The following AKT2 variants were observed in gnomAD, a reference collection of about 807,000 sequenced individuals.
AKT2 encodes the protein RAC-beta serine/threonine-protein kinase.
Under a neutral mutation model 58.6 loss-of-function variants are expected in AKT2, and 16 were observed. The observed-to-expected ratio is 0.27, with a 90% CI of 0.18 to 0.41. AKT2 has a LOEUF of 0.41. Among genes scored for constraint, AKT2 ranks in the 10% least tolerant of loss-of-function variants. The probability of loss-of-function intolerance (pLI) is 1.00; values close to 1 mark genes in which losing one functional copy is unlikely to be tolerated. For missense variants in AKT2, 438 were observed against 661.0 expected (o/e 0.66, Z 3.70); for synonymous variants, 253 against 254.0 (o/e 1.00, Z 0.04).
intron 4 of AKT2, chr19:40,244,018 T>G (rs1269732571): frequency 6.7e-6 from 1 of 149,080 alleles, no homozygotes; most frequent in Non-Finnish European, 1.5e-5. Context: ...CACTCCAGCC[T>G]GGACAACAGT....
At position 40,235,838 on chromosome 19, in the gene AKT2, G is replaced by A; in HGVS notation, c.1175+52C>T. On this transcript the variant is annotated intron_variant, in intron 11 of 13. Coordinates refer to ENST00000392038, the MANE Select transcript of AKT2 (RefSeq NM_001626.6). This position sits in a 1 kb window ranked among gnomAD's most constrained non-coding sequence, Gnocchi z 6.3. ...GACGCTGCCCCCTCCAGGCCGCAGG[G>A]ACAGTGGCAGCAGCTGGCGCTGGGC... 6.4e-7 allele frequency: 1 copy of A among 1,556,160 alleles called. No homozygotes were observed. Among genetic ancestry groups the A allele is most frequent in the Non-Finnish European group, 8.7e-7 (1 of 1,150,128 alleles).
intron 1 of AKT2, chr19:40,269,723 C>T (rs1031950153): frequency 6.6e-6 from 1 of 152,322 alleles, no homozygotes; most frequent in African/African-American, 2.4e-5. Flanking sequence ...TAAACAAACA[C>T]GTAGATCCAC....
At position 40,236,888 on chromosome 19, in the gene AKT2, C is replaced by T. The variant is rs552506510; in HGVS notation, c.832-503G>A. On this transcript the variant is annotated intron_variant, in intron 9 of 13. Coordinates refer to ENST00000392038, the MANE Select transcript of AKT2 (RefSeq NM_001626.6). ...TTCTTAATATGAAAAAAAAAATTAG[C>T]CAGGCATGGTGGCACACACCTATAG... 3.5e-5 allele frequency: 7 copies of T among 202,746 alleles called. No individual in the cohort carries two copies. The South Asian group carries it at 5.6e-4, about 16-fold the overall frequency. The allele number at this position is 202,746 out of a possible 1,614,324, so 12.6% of individuals were successfully genotyped here.
At chr19:40,284,884 C>T (rs1220747274) in intron 1 of AKT2, 4 of 264,254 alleles carry the variant, frequency 1.5e-5, no homozygotes, top group African/African-American at 2.2e-5. Context: ...ATCTGCCCGC[C>T]GCGCCCGAAA....
In AKT2 at chr19:40,285,046, A is replaced by G. The variant is rs1462347270; in HGVS notation, c.-85+135T>C. 2.8e-5 allele frequency: 10 copies of G among 361,888 alleles called. No homozygotes were observed. The Admixed American group carries it at 2.8e-4, about 10-fold the overall frequency. The allele number at this position is 361,888 out of a possible 1,614,324, so 22.4% of individuals were successfully genotyped here. On this transcript the variant is annotated intron_variant, in intron 1 of 13. Coordinates refer to ENST00000392038, the MANE Select transcript of AKT2 (RefSeq NM_001626.6). Reference sequence around the variant, plus strand: ...CGCCCCCGCTCGGCCACCCCCACTCAGCTCCTGAAGGAGGGGCTCGAGGGC... The same window carrying G: ...CGCCCCCGCTCGGCCACCCCCACTCGGCTCCTGAAGGAGGGGCTCGAGGGC...
chr19:40,271,212 C>CATATATAT (rs57995088), intron 1 of AKT2, among the ~76,000 whole-genome samples: 13 of 140,028 alleles, frequency 9.3e-5, no homozygotes, highest in African/African-American at 2.2e-4. Flanking sequence ...TACATACATA[C>CATATATAT]ATATATATAT....
chr19:40,247,270 CT>C (rs1974816314), intron 4 of AKT2, among the ~76,000 whole-genome samples: 1 of 152,192 alleles, frequency 6.6e-6, no homozygotes, highest in South Asian at 2.1e-4. Context: ...AGGAGAGCCC[CT>C]GGGTAAACCA....
rs770652459 is a variant in AKT2, at chr19:40,231,516, C to T, written c.*2356G>A. On this transcript the variant is annotated 3_prime_UTR_variant, in exon 14 of 14. Transcript: ENST00000392038. ...TGTAAATTGGATCTGACTTTTTCTGCTTACATTCACTTAAAATCTCAAAGA... is the reference window on the plus strand; with the variant it reads ...TGTAAATTGGATCTGACTTTTTCTGTTTACATTCACTTAAAATCTCAAAGA... 2.1e-4 allele frequency: 49 copies of T among 233,190 alleles called. No homozygotes were observed. Among genetic ancestry groups the T allele is most frequent in the Non-Finnish European group, 3.8e-4 (45 of 118,066 alleles). 14.4% of individuals were successfully genotyped at this position (233,190 alleles called of 1,614,324 possible). A position where few individuals can be genotyped will look rare whatever the true frequency, so the allele number is the denominator to read the frequency against.
Position 40,242,092 on chromosome 19 carries a change from G to T in AKT2, c.442-23C>A. 1 of 1,614,068 alleles carries T rather than the reference G, an allele frequency of 6.2e-7. No individual in the cohort carries two copies. The highest frequency in any genetic ancestry group is 8.5e-7 in the Non-Finnish European group (1 of 1,180,002). On this transcript the variant is annotated intron_variant, in intron 5 of 13. Transcript: ENST00000392038. This position sits in a 1 kb window ranked among gnomAD's most constrained non-coding sequence, Gnocchi z 4.3. Reference sequence around the variant, plus strand: ...GGTCTGCCAGGGACAGGGAGAGTGGGGGCAGTCAGCGCCTGGCTCATGGCC... The same window carrying T: ...GGTCTGCCAGGGACAGGGAGAGTGGTGGCAGTCAGCGCCTGGCTCATGGCC...
intron 1 of AKT2, chr19:40,274,720 G>T (rs1256301785): frequency 7.1e-6 from 2 of 279,906 alleles, no homozygotes; most frequent in Non-Finnish European, 1.4e-5. Context: ...CTGCAGGCAG[G>T]GGAGGAGCAG....
At chr19:40,265,389 G>C (rs1976276100) in intron 1 of AKT2, 38 bp from the exon 2 acceptor site, 1 of 1,534,400 alleles carries the variant, frequency 6.5e-7, no homozygotes, top group African/African-American at 1.4e-5. Flanking sequence ...GGCGGGAGGG[G>C]ATTCCACACC....
In AKT2 at chr19:40,242,324, T is replaced by C. The variant is rs1173916152; in HGVS notation, c.441+210A>G. On this transcript the variant is annotated intron_variant, in intron 5 of 13. Coordinates refer to ENST00000392038, the MANE Select transcript of AKT2 (RefSeq NM_001626.6). This position sits in a 1 kb window ranked among gnomAD's most constrained non-coding sequence, Gnocchi z 4.3. ...TCTTCACCAACTCCCAGGACGAACC[T>C]GCAGTGGGTCCACCCAAGGTTGCTC... The C allele has an allele frequency of 3.4e-6, 3 of 894,346 alleles. No individual in the cohort carries two copies. The highest frequency in any genetic ancestry group is 5.2e-6 in the Non-Finnish European group (3 of 573,856). 55.4% of individuals were successfully genotyped at this position (894,346 alleles called of 1,614,324 possible). A position where few individuals can be genotyped will look rare whatever the true frequency, so the allele number is the denominator to read the frequency against.
At chr19:40,239,065 A>G in intron 7 of AKT2, 92 bp from the exon 8 acceptor site, 8 of 1,331,670 alleles carry the variant, frequency 6.0e-6, no homozygotes, top group Middle Eastern at 2.0e-4. Context: ...CTTATTCTGC[A>G]CACACACACC....
In AKT2 at chr19:40,235,705, C is replaced by T. The variant is rs1453221281; in HGVS notation, c.1175+185G>A. Among the ~76,000 whole-genome samples, 3 of 152,192 alleles carry T rather than the reference C, an allele frequency of 2.0e-5. No individual in the cohort carries two copies. The highest frequency in any genetic ancestry group is 7.2e-5 in the African/African-American group (3 of 41,462). ...GTGTCCCCATAAAATAAGGCAGTGT[C>T]AAGGATGGGCCTGCCCTGGGGGAAG... On this transcript the variant is annotated intron_variant, in intron 11 of 13. Coordinates refer to ENST00000392038, the MANE Select transcript of AKT2 (RefSeq NM_001626.6). The surrounding 1 kb of genome is among the most constrained non-coding windows in gnomAD (Gnocchi z 6.3).
At chr19:40,239,361 C>T in intron 7 of AKT2, 1 of 241,832 alleles carries the variant, frequency 4.1e-6, no homozygotes, top group Non-Finnish European at 8.2e-6. Flanking sequence ...ACAGGATGGA[C>T]AGGCTGTCAG....
At chr19:40,266,447 G>GGAA (rs1555776654) in intron 1 of AKT2, 2 of 152,352 alleles carry the variant, frequency 1.3e-5, no homozygotes, top group South Asian at 2.1e-4. Context: ...AAAGAAGGGA[G>GGAA]GTAAGTGGTA....
Position 40,234,733 on chromosome 19 carries a change from C to A in AKT2, c.1366+312G>T. On this transcript the variant is annotated intron_variant, in intron 13 of 13. Transcript: ENST00000392038. This position sits in a 1 kb window ranked among gnomAD's most constrained non-coding sequence, Gnocchi z 4.7. ...GTGCTGTGTCCCCAGCATAGCCCAG[C>A]CCTGGGCTGAGTTCAGAGTAAGAAC... 1 of 604,052 alleles carries A rather than the reference C, an allele frequency of 1.7e-6. No individual in the cohort carries two copies. The highest frequency in any genetic ancestry group is 2.7e-5 in the East Asian group (1 of 36,490). 37.4% of individuals were successfully genotyped at this position (604,052 alleles called of 1,614,324 possible).
chr19:40,279,991 C>T (rs2077395198), intron 1 of AKT2, among the ~76,000 whole-genome samples: 2 of 152,228 alleles, frequency 1.3e-5, no homozygotes, highest in East Asian at 1.9e-4. Flanking sequence ...CCTCCCTGAT[C>T]ACCCAGCTAT....
chr19:40,274,895 GA>G (rs913903069), intron 1 of AKT2: 24 of 361,306 alleles, frequency 6.6e-5, no homozygotes, highest in African/African-American at 1.7e-4. Flanking sequence ...GCGAGCTGGG[GA>G]GTGGGGGAGG....
Sources: allele counts gnomAD v4.1 joint callset (sites outside exome capture counted in the v4.1 genomes callset), GRCh38; gene constraint gnomAD v4.1.1; non-coding constraint Gnocchi (gnomAD v3.1); transcripts MANE v1.5; gene names NCBI Gene and HGNC (gene_info 2026-07-23, HGNC 2026-07-21).